CSMD1: variants seen among roughly 807,000 people sequenced by gnomAD.
The protein encoded by CSMD1 is CUB and sushi domain-containing protein 1.
Under a neutral mutation model 417.5 loss-of-function variants are expected in CSMD1, and 213 were observed. That is an observed-to-expected ratio of 0.51 (90% CI 0.46 to 0.57). The LOEUF (loss-of-function observed/expected upper bound fraction) is 0.57, where lower values mean the gene tolerates loss of function less well. Among genes scored for constraint, CSMD1 ranks in the 20% least tolerant of loss-of-function variants. CSMD1 has a pLI of 0.00. For synonymous variants in CSMD1, 2,862 were observed against 1,736.8 expected (o/e 1.65, Z -16.11); for missense variants, 6,923 against 4,529.7 (o/e 1.53, Z -15.17).
chr8:3,722,251 T>G (rs780879635), intron 6 of CSMD1, among the ~76,000 whole-genome samples: 7 of 152,006 alleles, frequency 4.6e-5, no homozygotes, highest in African/African-American at 7.3e-5. Context: ...GAGATTGCAG[T>G]GAGTCGAGAT....
chr8:4,403,482 T>C (rs1217591338), intron 3 of CSMD1, among the ~76,000 whole-genome samples: 1 of 152,110 alleles, frequency 6.6e-6, no homozygotes, highest in Admixed American at 6.5e-5. Context: ...CTACTTATGG[T>C]GAAATCCAGT....
intron 3 of CSMD1, among the ~76,000 whole-genome samples, chr8:4,188,653 A>T (rs1798827229): frequency 6.6e-6 from 1 of 152,144 alleles, no homozygotes; most frequent in Non-Finnish European, 1.5e-5. Context: ...GAAAAATGAA[A>T]ACTCTCATAA....
chr8:3,798,017 A>G (rs574351586), intron 5 of CSMD1, among the ~76,000 whole-genome samples: 31 of 152,104 alleles, frequency 2.0e-4, no homozygotes, highest in African/African-American at 7.5e-4. Context: ...GATGTTGATA[A>G]ACTTTTCAGG....
intron 7 of CSMD1, among the ~76,000 whole-genome samples, chr8:3,663,705 G>A (rs1798537902): frequency 6.6e-6 from 1 of 152,076 alleles, no homozygotes; most frequent in Non-Finnish European, 1.5e-5. Context: ...TCTGCTTCCA[G>A]CCGTTCTGCC....
intron 2 of CSMD1, among the ~76,000 whole-genome samples, chr8:4,431,824 G>A (rs963939368): frequency 2.0e-5 from 3 of 151,910 alleles, no homozygotes; most frequent in Non-Finnish European, 4.4e-5. Flanking sequence ...ACACATCCAA[G>A]ATAAAGTACT....
intron 18 of CSMD1, among the ~76,000 whole-genome samples, chr8:3,384,727 A>G (rs1810872769): frequency 1.6e-5 from 2 of 121,754 alleles, no homozygotes; most frequent in Non-Finnish European, 3.3e-5. Flanking sequence ...TATAATATTT[A>G]TATATATTAT....
Position 3,500,477 on chromosome 8 carries a change from C to A in CSMD1, c.1345-6751G>T, listed in dbSNP as rs567641705. ...AGATGCCACCTAAAATACTAAGACT[C>A]TGTCAGAGTATCAAAGGAAGGCACG... On this transcript the variant is annotated intron_variant, in intron 10 of 69. Coordinates refer to ENST00000635120, the MANE Select transcript of CSMD1 (RefSeq NM_033225.6). 2.0e-5 allele frequency among the ~76,000 whole-genome samples: 3 copies of A among 152,208 alleles called. No homozygotes were observed. The South Asian group carries it at 6.2e-4, about 32-fold the overall frequency.
rs181931402 is a variant in CSMD1, at chr8:3,242,276, C to T, written c.4154-12045G>A. On this transcript the variant is annotated intron_variant, in intron 26 of 69. Transcript: ENST00000635120. ...ACGGAGGCTGAGGAAGATTTGGGAC[C>T]TAGCTCGGCCTGGGGAGGAAGGGAG... Among the ~76,000 whole-genome samples, 218 of 151,098 alleles carry T rather than the reference C, an allele frequency of 1.4e-3. 2 individuals are homozygous for T. Among genetic ancestry groups the T allele is most frequent in the Non-Finnish European group, 2.3e-3 (154 of 67,728 alleles).
At chr8:4,049,430 A>G (rs1210090720) in intron 3 of CSMD1, among the ~76,000 whole-genome samples, 1 of 151,420 alleles carries the variant, frequency 6.6e-6, no homozygotes, top group African/African-American at 2.4e-5. Flanking sequence ...CCCAGCTCAA[A>G]AAACTACTGC....
At chr8:3,259,636 A>C (rs1328648395) in intron 26 of CSMD1, among the ~76,000 whole-genome samples, 1 of 152,186 alleles carries the variant, frequency 6.6e-6, no homozygotes, top group Non-Finnish European at 1.5e-5. Flanking sequence ...TCGAGATTTT[A>C]ATATGTATAC....
intron 3 of CSMD1, among the ~76,000 whole-genome samples, chr8:4,053,697 C>A (rs545722539): frequency 4.5e-4 from 68 of 152,140 alleles, no homozygotes; most frequent in African/African-American, 1.6e-3. Context: ...TCAAACAGCT[C>A]ATCATGGCAG....
rs143420287 is a variant in CSMD1 at position 4,767,908 on chromosome 8, G to A, written c.86-130350C>T. Among the ~76,000 whole-genome samples the A allele has an allele frequency of 4.6e-3, 705 of 152,222 alleles. 5 individuals are homozygous for A. The highest frequency in any genetic ancestry group is 0.01 in the Middle Eastern group (3 of 294). On this transcript the variant is annotated intron_variant, in intron 1 of 69. Transcript: ENST00000635120. ...GTAGGCACATCTTATTGTAAAAGATGAATTAATAAAACAAATGGAAAGTAA... is the reference window on the plus strand; with the variant it reads ...GTAGGCACATCTTATTGTAAAAGATAAATTAATAAAACAAATGGAAAGTAA...
At chr8:4,039,049 G>C (rs935025643) in intron 3 of CSMD1, among the ~76,000 whole-genome samples, 6 of 103,352 alleles carry the variant, frequency 5.8e-5, no homozygotes, top group Admixed American at 1.9e-4. Context: ...GTGAAAGCAT[G>C]ATACTACAAT....
chr8:3,369,470 CA>C, intron 18 of CSMD1, 100 bp from the exon 19 acceptor site: 1 of 645,698 alleles, frequency 1.5e-6, no homozygotes, highest in Admixed American at 2.8e-5. Context: ...CAAGGATTAA[CA>C]AATTTAATGT....
chr8:3,963,210 G>C (rs550652627), intron 5 of CSMD1, among the ~76,000 whole-genome samples: 35 of 152,232 alleles, frequency 2.3e-4, no homozygotes, highest in African/African-American at 8.4e-4. Flanking sequence ...GGGATCACAG[G>C]CTTGAGCCAC....
chr8:3,953,524 A>G (rs369216044), intron 5 of CSMD1, among the ~76,000 whole-genome samples: 1 of 152,122 alleles, frequency 6.6e-6, no homozygotes, highest in South Asian at 2.1e-4. Flanking sequence ...AGATAATGAC[A>G]TTGCCCTGAG....
chr8:4,718,441 G>A (rs1388642326), intron 1 of CSMD1, among the ~76,000 whole-genome samples: 1 of 152,008 alleles, frequency 6.6e-6, no homozygotes, highest in Non-Finnish European at 1.5e-5. Flanking sequence ...TCTTAAGCAG[G>A]AATGAAATCT....
intron 3 of CSMD1, among the ~76,000 whole-genome samples, chr8:4,334,017 A>AGT (rs1470822217): frequency 6.6e-6 from 1 of 152,036 alleles, no homozygotes; most frequent in Non-Finnish European, 1.5e-5. Context: ...CAGACTCCTG[A>AGT]GTACCTGGGA....
intron 12 of CSMD1, among the ~76,000 whole-genome samples, chr8:3,467,517 T>C (rs897548391): frequency 6.6e-5 from 10 of 152,348 alleles, no homozygotes; most frequent in Non-Finnish European, 1.2e-4. Flanking sequence ...GTTTTAGTCA[T>C]TGAAAGGGAT....
Sources: gnomAD v4.1 joint callset for allele counts (sites outside exome capture counted in the v4.1 genomes callset) on GRCh38, gnomAD v4.1.1 for gene constraint, MANE v1.5 for transcripts, NCBI Gene and HGNC (gene_info 2026-07-23, HGNC 2026-07-21) for gene names.